The following NRXN3 variants were observed in gnomAD, a reference collection of about 807,000 sequenced individuals.
NRXN3 encodes neurexin III.
In NRXN3, 32 loss-of-function variants were observed where a neutral mutation model predicts 137.6. That is an observed-to-expected ratio of 0.23 (90% CI 0.18 to 0.31). The LOEUF is 0.31. Ranked by LOEUF, NRXN3 falls within the 10% of genes least tolerant of loss-of-function variation. The pLI, the probability that NRXN3 is intolerant of heterozygous loss-of-function variation, is 1.00. For synonymous variants in NRXN3, 798 were observed against 784.5 expected, an observed-to-expected ratio of 1.02 and a Z score of -0.29; for missense variants, 1,574 against 2,062.5, an observed-to-expected ratio of 0.76 and a Z score of 4.59.
At chr14:78,792,171 A>G (rs2098807069) in intron 8 of NRXN3, among the ~76,000 whole-genome samples, 2 of 150,884 alleles carry the variant, frequency 1.3e-5, no homozygotes, top group Non-Finnish European at 3.0e-5. Context: ...GAATGACTCA[A>G]GAAAAATTGA....
chr14:78,655,579 G>A (rs1166479050), intron 6 of NRXN3, among the ~76,000 whole-genome samples: 1 of 152,062 alleles, frequency 6.6e-6, no homozygotes. Context: ...TTATTAAAAT[G>A]TGAATTCCAT....
At chr14:78,755,820 A>G (rs1343846828) in intron 8 of NRXN3, among the ~76,000 whole-genome samples, 1 of 152,212 alleles carries the variant, frequency 6.6e-6, no homozygotes, top group Non-Finnish European at 1.5e-5. Context: ...AATGAATACT[A>G]TCCTCAGAAA....
At chr14:78,462,707 C>G (rs1050820563) in intron 4 of NRXN3, among the ~76,000 whole-genome samples, 1 of 152,190 alleles carries the variant, frequency 6.6e-6, no homozygotes. Context: ...CATAACATAG[C>G]TATAATTAAA....
At chr14:79,716,055 A>G (rs964014327) in intron 19 of NRXN3, among the ~76,000 whole-genome samples, 1 of 152,184 alleles carries the variant, frequency 6.6e-6, no homozygotes, top group Non-Finnish European at 1.5e-5. Flanking sequence ...TGAGCCTCCC[A>G]TTATTATGAC....
At chr14:79,822,443 T>G (rs952224963) in intron 20 of NRXN3, among the ~76,000 whole-genome samples, 1 of 152,200 alleles carries the variant, frequency 6.6e-6, no homozygotes, top group African/African-American at 2.4e-5. Flanking sequence ...TTTGTTACTA[T>G]GTATAGCATT....
At chr14:79,442,186 A>G (rs1265769125) in intron 15 of NRXN3, among the ~76,000 whole-genome samples, 1 of 152,230 alleles carries the variant, frequency 6.6e-6, no homozygotes, top group Non-Finnish European at 1.5e-5. Flanking sequence ...TATGTAATAC[A>G]GAGTACTTAT....
chr14:79,169,993 G>T (rs1413903087), intron 15 of NRXN3, among the ~76,000 whole-genome samples: 6 of 151,998 alleles, frequency 3.9e-5, no homozygotes, highest in African/African-American at 1.4e-4. Context: ...GGCATAAGCT[G>T]GCGTGTCTTA....
intron 15 of NRXN3, among the ~76,000 whole-genome samples, chr14:79,169,195 T>G (rs1392678626): frequency 4.6e-5 from 7 of 152,104 alleles, no homozygotes. Context: ...ATTTTCTGCC[T>G]TTCACAGCCT....
chr14:78,323,016 C>A (rs1244770549), intron 4 of NRXN3, among the ~76,000 whole-genome samples: 1 of 151,948 alleles, frequency 6.6e-6, no homozygotes, highest in East Asian at 1.9e-4. Context: ...CTTATGGCCA[C>A]CATAATGCCT....
In NRXN3 at chr14:79,176,186, A is replaced by C. The variant is rs543344862; in HGVS notation, c.3262+188045A>C. 2.6e-5 allele frequency among the ~76,000 whole-genome samples: 4 copies of C among 152,324 alleles called. No homozygotes were observed. In the South Asian group the frequency reaches 8.3e-4, roughly 32 times the overall value. Reference sequence around the variant, plus strand: ...AACTGTACTGTTATAGCAATTCTTAACTGGAAGTTTTGTCTTCTGCCTCAC... The same window carrying C: ...AACTGTACTGTTATAGCAATTCTTACCTGGAAGTTTTGTCTTCTGCCTCAC... On this transcript the variant is annotated intron_variant, in intron 15 of 20. Transcript: ENST00000335750.
chr14:78,334,856 TA>T (rs1035047394), intron 4 of NRXN3, among the ~76,000 whole-genome samples: 3 of 152,108 alleles, frequency 2.0e-5, no homozygotes, highest in African/African-American at 7.2e-5. Context: ...AATGATTCTG[TA>T]AACACTTATT....
chr14:79,098,433 A>T (rs1487239216), intron 15 of NRXN3, among the ~76,000 whole-genome samples: 1 of 152,164 alleles, frequency 6.6e-6, no homozygotes, highest in Admixed American at 6.5e-5. Context: ...GATGAAGCAA[A>T]TATTTTTCTT....
intron 11 of NRXN3, among the ~76,000 whole-genome samples, chr14:78,964,890 G>T (rs1429937919): frequency 6.6e-6 from 1 of 151,936 alleles, no homozygotes; most frequent in African/African-American, 2.4e-5. Flanking sequence ...TGTAACAGCT[G>T]AAGATATTTC....
chr14:78,237,586 C>T (rs897005003), intron 1 of NRXN3, among the ~76,000 whole-genome samples: 11 of 152,122 alleles, frequency 7.2e-5, no homozygotes, highest in African/African-American at 2.7e-4. Flanking sequence ...ACGATAATTC[C>T]AGTGAAAGTC....
intron 8 of NRXN3, among the ~76,000 whole-genome samples, chr14:78,772,956 T>C (rs1299231949): frequency 6.6e-6 from 1 of 152,232 alleles, no homozygotes; most frequent in African/African-American, 2.4e-5. Flanking sequence ...TTCAATTCTA[T>C]AATCTCTTGT....
At chr14:78,520,834 G>A (rs934715664) in intron 4 of NRXN3, among the ~76,000 whole-genome samples, 29 of 152,134 alleles carry the variant, frequency 1.9e-4, no homozygotes, top group African/African-American at 7.0e-4. Flanking sequence ...CTGCGAATTA[G>A]CACAGTGAAA....
chr14:79,489,417 C>G (rs902911519), intron 16 of NRXN3, among the ~76,000 whole-genome samples: 55 of 152,104 alleles, frequency 3.6e-4, no homozygotes, highest in Non-Finnish European at 1.3e-4. Context: ...GGGTGGGCCT[C>G]AAGGCACACC....
At chr14:79,411,319 A>G (rs1055607220) in intron 15 of NRXN3, among the ~76,000 whole-genome samples, 2 of 152,124 alleles carry the variant, frequency 1.3e-5, no homozygotes, top group South Asian at 4.1e-4. Context: ...CAACTAGCCA[A>G]ACTGCCCTAT....
At chr14:79,746,163 G>C (rs1292772172) in intron 19 of NRXN3, among the ~76,000 whole-genome samples, 1 of 152,098 alleles carries the variant, frequency 6.6e-6, no homozygotes, top group Non-Finnish European at 1.5e-5. Flanking sequence ...AAATGAGTTA[G>C]GGTGCTATTC....
Sources: gnomAD v4.1 joint callset for allele counts (sites outside exome capture counted in the v4.1 genomes callset) on GRCh38, gnomAD v4.1.1 for gene constraint, MANE v1.5 for transcripts, NCBI Gene and HGNC (gene_info 2026-07-23, HGNC 2026-07-21) for gene names.